Variants in RGS5 observed in about 807,000 individuals in gnomAD.
RGS5 encodes the protein regulator of G protein signaling 5.
RGS5 carries 20 observed loss-of-function variants against 18.9 expected under a neutral mutation model. That is an observed-to-expected ratio of 1.06 (90% CI 0.74 to 1.54). RGS5 has a LOEUF of 1.54. Ranked by LOEUF, RGS5 falls within the 40% of genes most tolerant of loss-of-function variation. RGS5 has a pLI of 0.00. For synonymous variants in RGS5, 57 were observed against 76.2 expected (o/e 0.75, Z 1.31); for missense variants, 201 against 211.8 (o/e 0.95, Z 0.32).
At chr1:163,173,951 C>T (rs1658424453) in intron 1 of RGS5, among the ~76,000 whole-genome samples, 1 of 152,088 alleles carries the variant, frequency 6.6e-6, no homozygotes, top group Non-Finnish European at 1.5e-5. Flanking sequence ...GTGGCAGGCA[C>T]CTGTAATCCC....
At chr1:163,242,222 T>C (rs1024162456) in intron 2 of RGS5, among the ~76,000 whole-genome samples, 1 of 152,248 alleles carries the variant, frequency 6.6e-6, no homozygotes, top group African/African-American at 2.4e-5. Flanking sequence ...TGGCATATTT[T>C]TTAAATATGT....
chr1:163,303,261 T>C (rs10917720), intron 2 of RGS5, among the ~76,000 whole-genome samples: 63,295 of 152,022 alleles, frequency 0.42, 13,668 homozygotes, highest in South Asian at 0.5. Context: ...CCCAACAAAC[T>C]CTTATCAAGT....
chr1:163,183,084 A>C (rs927190131), intron 1 of RGS5, among the ~76,000 whole-genome samples: 3 of 152,332 alleles, frequency 2.0e-5, no homozygotes, highest in Non-Finnish European at 2.9e-5. Context: ...TTTACACAAA[A>C]GATACAAATT....
At chr1:163,210,495 T>C (rs899704078) in intron 1 of RGS5, among the ~76,000 whole-genome samples, 1 of 152,208 alleles carries the variant, frequency 6.6e-6, no homozygotes, top group African/African-American at 2.4e-5. Context: ...CCAGTGACTT[T>C]TTAGGAGGCA....
intron 2 of RGS5, among the ~76,000 whole-genome samples, chr1:163,226,189 GGATTATAGGCATGAGCCACCGCAC>G (rs555380926): frequency 0.22 from 33,440 of 151,934 alleles, 4,185 homozygotes; most frequent in Non-Finnish European, 0.28. Flanking sequence ...CAAAGTGCTG[GGATTATAGGCATGAGCCACCGCAC>G]CCAGCCAGAG....
At chr1:163,306,691 C>G (rs1197608915) in intron 1 of RGS5, among the ~76,000 whole-genome samples, 1 of 152,076 alleles carries the variant, frequency 6.6e-6, no homozygotes, top group Non-Finnish European at 1.5e-5. Context: ...TTGGGTCTTA[C>G]TCTAATATAA....
intron 2 of RGS5, among the ~76,000 whole-genome samples, chr1:163,293,099 T>C (rs747185638): frequency 6.6e-6 from 1 of 152,218 alleles, no homozygotes; most frequent in African/African-American, 2.4e-5. Flanking sequence ...CCACTGTCTA[T>C]GCCTGAATGG....
intron 1 of RGS5, among the ~76,000 whole-genome samples, chr1:163,314,509 A>G (rs1367776532): frequency 6.6e-6 from 1 of 152,140 alleles, no homozygotes; most frequent in Non-Finnish European, 1.5e-5. Flanking sequence ...GAATGATAAC[A>G]TGGCACCAGA....
chr1:163,201,117 T>C (rs1237686271), intron 1 of RGS5, among the ~76,000 whole-genome samples: 1 of 152,204 alleles, frequency 6.6e-6, no homozygotes, highest in Non-Finnish European at 1.5e-5. Context: ...TAAAGTCAAT[T>C]GTTTGCCAAT....
At chr1:163,217,702 G>A, upstream of RGS5, 2 of 1,393,474 alleles carry the variant, frequency 1.4e-6, no homozygotes, top group Non-Finnish European at 1.9e-6. Context: ...CAGAGAACTT[G>A]GAACCTTGAT....
chr1:163,243,730 T>C (rs993552689), intron 2 of RGS5, among the ~76,000 whole-genome samples: 5 of 145,152 alleles, frequency 3.4e-5, no homozygotes, highest in African/African-American at 1.3e-4. Context: ...GTAACAAACC[T>C]GCACATTCAG....
chr1:163,142,606 T>C lies in RGS5; in HGVS notation c.*4736A>G, dbSNP rs1004628096. ...CACTATATGACATAAAAAGAACTTT[T>C]GGCAAATATTTATTCAGATTGCTTG... On this transcript the variant is annotated 3_prime_UTR_variant, in exon 5 of 5. Coordinates refer to ENST00000313961, the MANE Select transcript of RGS5 (RefSeq NM_003617.4). 6.6e-6 allele frequency: 1 copy of C among 152,174 alleles called. No individual in the cohort carries two copies. The highest frequency in any genetic ancestry group is 1.5e-5 in the Non-Finnish European group (1 of 68,026). The allele number at this position is 152,174 out of a possible 1,614,324, so 9.4% of individuals were successfully genotyped here.
In RGS5 at chr1:163,146,269, T is replaced by C. The variant is rs1422063681; in HGVS notation, c.*1073A>G. The C allele has an allele frequency of 2.0e-5, 3 of 150,486 alleles. No individual in the cohort carries two copies. Among genetic ancestry groups the C allele is most frequent in the Non-Finnish European group, 4.4e-5 (3 of 67,670 alleles). 9.3% of individuals were successfully genotyped at this position (150,486 alleles called of 1,614,324 possible). On this transcript the variant is annotated 3_prime_UTR_variant, in exon 5 of 5. Transcript: ENST00000313961. ...TTTTTTTTTTTTTTGCAAAATGCAG[T>C]GTACCTTAAAAGTGTCTCACCTAGA...
chr1:163,317,014 T>C (rs1407156227), intron 1 of RGS5, among the ~76,000 whole-genome samples: 1 of 152,198 alleles, frequency 6.6e-6, no homozygotes, highest in African/African-American at 2.4e-5. Flanking sequence ...CATTTCAATA[T>C]AACATAAACT....
At chr1:163,308,418 A>G (rs1199779389) in intron 1 of RGS5, 1 of 152,240 alleles carries the variant, frequency 6.6e-6, no homozygotes, top group Non-Finnish European at 1.5e-5. Flanking sequence ...TTTGACAAAT[A>G]GAAACATTTA....
chr1:163,172,434 C>A, intron 1 of RGS5: 1 of 1,036,816 alleles, frequency 9.6e-7, no homozygotes, highest in South Asian at 1.7e-5. Flanking sequence ...CAGTACCCTA[C>A]TACTATTTTA....
chr1:163,154,728 T>A (rs1349647370), intron 3 of RGS5, among the ~76,000 whole-genome samples: 1 of 151,794 alleles, frequency 6.6e-6, no homozygotes, highest in Non-Finnish European at 1.5e-5. Context: ...CTTAACTTAG[T>A]GACACGAGAG....
At chr1:163,273,161 T>C (rs1427526010) in intron 2 of RGS5, among the ~76,000 whole-genome samples, 7 of 152,144 alleles carry the variant, frequency 4.6e-5, no homozygotes, top group Non-Finnish European at 1.5e-5. Context: ...CAGTACATCA[T>C]CTATCTGCAG....
At chr1:163,298,447 G>T (rs139272034) in intron 2 of RGS5, among the ~76,000 whole-genome samples, 1 of 152,076 alleles carries the variant, frequency 6.6e-6, no homozygotes, top group African/African-American at 2.4e-5. Context: ...CCAGATGATA[G>T]AAGTTTTTAT....
Sources: gnomAD v4.1 joint callset for allele counts (sites outside exome capture counted in the v4.1 genomes callset) on GRCh38, gnomAD v4.1.1 for gene constraint, MANE v1.5 for transcripts, NCBI Gene and HGNC (gene_info 2026-07-23, HGNC 2026-07-21) for gene names.